Variants in GJB7 observed in about 807,000 individuals in gnomAD.
GJB7 encodes gap junction beta-7 protein.
For missense variants in GJB7, 253 were observed against 256.8 expected, an observed-to-expected ratio of 0.99 and a Z score of 0.10; for synonymous variants, 87 against 95.2, an observed-to-expected ratio of 0.91 and a Z score of 0.50.
intron 1 of GJB7, among the ~76,000 whole-genome samples, chr6:87,327,443 A>C (rs1776856117): frequency 6.6e-6 from 1 of 152,158 alleles, no homozygotes; most frequent in South Asian, 2.1e-4. Context: ...CTTTTAGGGC[A>C]GGCCTGCTGG....
chr6:87,312,483 C>A (rs57552196), intron 2 of GJB7, among the ~76,000 whole-genome samples: 10,521 of 149,482 alleles, frequency 0.07, 753 homozygotes, highest in African/African-American at 0.19. Context: ...TGCACTCTAG[C>A]CTGGGCAACA....
intron 2 of GJB7, 23 bp from the exon 3 acceptor site, chr6:87,284,962 C>T (rs748797228): frequency 7.2e-7 from 1 of 1,392,034 alleles, no homozygotes; most frequent in Non-Finnish European, 1.0e-6. Flanking sequence ...ACAATTTCAT[C>T]AGGATCCATT....
chr6:87,296,014 T>C lies in GJB7; in HGVS notation c.-27-11075A>G, dbSNP rs551287330. ...CCTAATTAGTTTTCTGGTTGTTGAGTCAACAAATGAAAAGCCATATTTCAC... is the reference window on the plus strand; with the variant it reads ...CCTAATTAGTTTTCTGGTTGTTGAGCCAACAAATGAAAAGCCATATTTCAC... On this transcript the variant is annotated intron_variant, in intron 2 of 2. Coordinates refer to ENST00000525899, the MANE Select transcript of GJB7 (RefSeq NM_198568.3). Among the ~76,000 whole-genome samples the C allele has an allele frequency of 6.5e-3, 991 of 152,316 alleles. 14 individuals carry two copies. The highest frequency in any genetic ancestry group is 0.022 in the African/African-American group (896 of 41,560).
chr6:87,307,578 C>T lies in GJB7; in HGVS notation c.-28+15288G>A, dbSNP rs140902508. Among the ~76,000 whole-genome samples the T allele has an allele frequency of 3.4e-3, 512 of 152,262 alleles. 1 individual carries two copies. The highest frequency in any genetic ancestry group is 0.012 in the African/African-American group (491 of 41,568). On this transcript the variant is annotated intron_variant, in intron 2 of 2. Coordinates refer to ENST00000525899, the MANE Select transcript of GJB7 (RefSeq NM_198568.3). ...AAAGTGGGCAAAAGATATGAACAGA[C>T]ACTTCTTAAAAGAAGACATTTATGC...
intron 2 of GJB7, 47 bp downstream of exon 2, chr6:87,322,819 A>C (rs1776702362): frequency 6.6e-6 from 1 of 152,048 alleles, no homozygotes; most frequent in East Asian, 1.9e-4. Context: ...CCGCACCCCA[A>C]GTCGGTGAAG....
chr6:87,325,703 T>C (rs530541483), intron 1 of GJB7, among the ~76,000 whole-genome samples: 3 of 152,156 alleles, frequency 2.0e-5, no homozygotes, highest in Non-Finnish European at 4.4e-5. Context: ...TCAATGTTCA[T>C]CAAGGATATT....
intron 2 of GJB7, among the ~76,000 whole-genome samples, chr6:87,319,164 AT>A (rs1366430318): frequency 6.6e-6 from 1 of 152,344 alleles, no homozygotes; most frequent in East Asian, 1.9e-4. Context: ...ATTATTAAAT[AT>A]TGATGGCCCT....
At chr6:87,294,474 G>A (rs1776221683) in intron 2 of GJB7, among the ~76,000 whole-genome samples, 1 of 152,252 alleles carries the variant, frequency 6.6e-6, no homozygotes, top group Admixed American at 6.5e-5. Context: ...CTAAGCATTA[G>A]CACCAGAGCT....
chr6:87,308,244 G>A (rs908246690), intron 2 of GJB7, among the ~76,000 whole-genome samples: 1 of 144,100 alleles, frequency 6.9e-6, no homozygotes, highest in Non-Finnish European at 1.5e-5. Context: ...GGGGAGGGGG[G>A]AGGGATAGCA....
rs1367165866 is a variant in GJB7 at position 87,301,060 on chromosome 6, T to C, written c.-27-16121A>G. ...ATCAATTAGAGGGGCGGTTCCAATATGGCTGAATAGGAACAGCTCCAGTCT... is the reference window on the plus strand; with the variant it reads ...ATCAATTAGAGGGGCGGTTCCAATACGGCTGAATAGGAACAGCTCCAGTCT... On this transcript the variant is annotated intron_variant, in intron 2 of 2. Transcript: ENST00000525899. Among the ~76,000 whole-genome samples, 3 of 152,180 alleles carry C rather than the reference T, an allele frequency of 2.0e-5. No homozygotes were observed. In the East Asian group the frequency reaches 5.8e-4, roughly 29 times the overall value.
At chr6:87,293,862 A>G (rs747521178) in intron 2 of GJB7, among the ~76,000 whole-genome samples, 3 of 152,226 alleles carry the variant, frequency 2.0e-5, no homozygotes, top group Non-Finnish European at 4.4e-5. Context: ...AGTATCTTGC[A>G]GTATCTCACA....
At chr6:87,294,324 G>C (rs78875292) in intron 2 of GJB7, among the ~76,000 whole-genome samples, 2 of 152,214 alleles carry the variant, frequency 1.3e-5, no homozygotes, top group African/African-American at 4.8e-5. Context: ...CAGAGCCTTT[G>C]AATGACTGGT....
Position 87,306,821 on chromosome 6 carries a change from T to C in GJB7, c.-28+16045A>G, listed in dbSNP as rs1196258168. ...CTGGATTAAGAAAATGTGGCACATA[T>C]ACACCATGGAATATTATGCAGCCAT... On this transcript the variant is annotated intron_variant, in intron 2 of 2. Transcript: ENST00000525899. Among the ~76,000 whole-genome samples the C allele has an allele frequency of 5.3e-5, 8 of 152,194 alleles. No homozygotes were observed. The East Asian group carries it at 1.5e-3, about 29-fold the overall frequency.
intron 2 of GJB7, among the ~76,000 whole-genome samples, chr6:87,308,040 G>T (rs1380884966): frequency 6.6e-6 from 1 of 152,300 alleles, no homozygotes; most frequent in Admixed American, 6.5e-5. Flanking sequence ...GGAATACTAT[G>T]TAGCCATAAA....
chr6:87,299,324 A>C (rs1582558653), intron 2 of GJB7: 1 of 476,328 alleles, frequency 2.1e-6, no homozygotes, highest in East Asian at 5.6e-5. Context: ...GATGCAAATA[A>C]ATTTGGAAGA....
intron 2 of GJB7, 118 bp from the exon 3 acceptor site, chr6:87,285,057 T>C: frequency 1.5e-6 from 1 of 664,978 alleles, no homozygotes; most frequent in South Asian, 2.0e-5. Flanking sequence ...ACTCTGGTGG[T>C]TTAGGGCTCT....
At chr6:87,288,858 T>A (rs1472922686) in intron 2 of GJB7, among the ~76,000 whole-genome samples, 1 of 152,236 alleles carries the variant, frequency 6.6e-6, no homozygotes, top group Non-Finnish European at 1.5e-5. Flanking sequence ...CTTCATCTCC[T>A]GCCTGGAACA....
In GJB7 at chr6:87,284,077, C is replaced by T; in HGVS notation, c.*164G>A. 1.6e-6 allele frequency: 1 copy of T among 612,672 alleles called. No homozygotes were observed. Among genetic ancestry groups the T allele is most frequent in the South Asian group, 2.1e-5 (1 of 48,476 alleles). 38.0% of individuals were successfully genotyped at this position (612,672 alleles called of 1,614,324 possible). On this transcript the variant is annotated 3_prime_UTR_variant, in exon 3 of 3. Transcript: ENST00000525899. ...GCTTTGTCTTCCAACTCAGCTTAGG[C>T]CTTGCTGAGGAGGGATGCAGGTTTT...
chr6:87,306,503 A>T (rs182366039), intron 2 of GJB7, among the ~76,000 whole-genome samples: 2 of 152,324 alleles, frequency 1.3e-5, no homozygotes, highest in African/African-American at 4.8e-5. Flanking sequence ...TAGAATGGCC[A>T]TCATTAAAAA....
Sources: allele counts gnomAD v4.1 joint callset (sites outside exome capture counted in the v4.1 genomes callset), GRCh38; gene constraint gnomAD v4.1.1; transcripts MANE v1.5; gene names NCBI Gene and HGNC (gene_info 2026-07-23, HGNC 2026-07-21).